RP1: variants seen among roughly 807,000 people sequenced by gnomAD.
RP1 encodes oxygen-regulated protein 1.
A neutral mutation model predicts 14.8 loss-of-function variants in RP1; 16 were observed. That is an observed-to-expected ratio of 1.08 (90% confidence interval 0.73 to 1.65). The LOEUF is 1.65. Among genes scored for constraint, RP1 ranks in the 40% most tolerant of loss-of-function variants. RP1 has a pLI of 0.00. For missense variants in RP1, 2,631 were observed against 2,535.0 expected, an observed-to-expected ratio of 1.04 and a Z score of -0.81; for synonymous variants, 876 against 883.6, an observed-to-expected ratio of 0.99 and a Z score of 0.15.
Position 54,625,540 on chromosome 8 carries a change from C to G in RP1, c.1658C>G (p.Thr553Arg). Residue 553 changes from threonine to arginine, a missense_variant, in exon 4 of 4, where the codon ACA becomes AGA. By Grantham distance (71) the Thr-to-Arg change is moderately conservative (BLOSUM62 -1). Transcript: ENST00000220676. ...SAISAGVIEI[T>R]SQKMLEMSHN... ...ATAAGTGCTGGTGTTATAGAAATTA[C>G]AAGTCAGAAGATGTTAGAGATGTCA... is the stretch of plus-strand genomic sequence containing the variant. 6.2e-7 allele frequency: 1 copy of G among 1,614,008 alleles called. No individual in the cohort carries two copies.
At chr8:54,652,949 G>A in intron 5 of RP1, 1 of 884,952 alleles carries the variant, frequency 1.1e-6, no homozygotes, top group Non-Finnish European at 1.8e-6. Context: ...TGCCTATAAT[G>A]AGTTGATAGA....
intron 9 of RP1, among the ~76,000 whole-genome samples, chr8:54,679,016 C>T (rs1807362424): frequency 6.6e-6 from 1 of 151,658 alleles, no homozygotes; most frequent in African/African-American, 2.4e-5. Context: ...TTTTCTTTGA[C>T]ACTTTCCTGC....
chr8:54,603,859 G>A (rs1805356976), intron 1 of RP1, among the ~76,000 whole-genome samples: 1 of 152,172 alleles, frequency 6.6e-6, no homozygotes, highest in South Asian at 2.1e-4. Context: ...TGGTGTATAA[G>A]AATGCTTGTG....
chr8:54,668,742 C>A (rs904551797), intron 7 of RP1, among the ~76,000 whole-genome samples: 24 of 152,276 alleles, frequency 1.6e-4, no homozygotes, highest in African/African-American at 5.5e-4. Flanking sequence ...ACCATCTGAT[C>A]TTTGACAAAC....
At chr8:54,701,409 A>G (rs1808013486) in intron 13 of RP1, 4 of 1,235,048 alleles carry the variant, frequency 3.2e-6, no homozygotes, top group South Asian at 1.7e-5. Context: ...AGACACCTGT[A>G]TATGTATATA....
At chr8:54,562,503 G>C (rs1305684728) in intron 1 of RP1, among the ~76,000 whole-genome samples, 1 of 152,042 alleles carries the variant, frequency 6.6e-6, no homozygotes, top group African/African-American at 2.4e-5. Flanking sequence ...ATGAAACCCT[G>C]TTGCTACTAA....
intron 1 of RP1, among the ~76,000 whole-genome samples, chr8:54,564,609 G>A (rs1482892848): frequency 1.3e-5 from 2 of 152,194 alleles, no homozygotes; most frequent in Non-Finnish European, 2.9e-5. Flanking sequence ...GACACACACT[G>A]AATAAGCAGA....
At chr8:54,660,712 G>A (rs1806867780) in intron 6 of RP1, among the ~76,000 whole-genome samples, 1 of 152,050 alleles carries the variant, frequency 6.6e-6, no homozygotes, top group Non-Finnish European at 1.5e-5. Context: ...TTATGATGGT[G>A]TCTCTGTGGG....
intron 4 of RP1, among the ~76,000 whole-genome samples, chr8:54,651,805 T>C (rs1278821120): frequency 2.0e-5 from 3 of 152,172 alleles, no homozygotes; most frequent in Admixed American, 2.0e-4. Context: ...TTCTAGTTCC[T>C]TAAGATGTAA....
intron 12 of RP1, among the ~76,000 whole-genome samples, chr8:54,683,036 C>T (rs1807473646): frequency 6.6e-6 from 1 of 152,168 alleles, no homozygotes; most frequent in Non-Finnish European, 1.5e-5. Context: ...GTTTTCCCAA[C>T]ACCATTTGTT....
chr8:54,613,882 A>T (rs758920191), upstream of RP1, among the ~76,000 whole-genome samples: 1 of 152,236 alleles, frequency 6.6e-6, no homozygotes, highest in Non-Finnish European at 1.5e-5. Flanking sequence ...CTGAAGTCAG[A>T]TCACAATTTT....
Position 54,679,944 on chromosome 8 carries a change from C to T in RP1, c.1717+11C>T, listed in dbSNP as rs574365159. ...AGACAGACAAATATGGTAAAACTAT[C>T]GTACAAAGCTTGTGGTGCTGGACAG... On this transcript the variant is annotated intron_variant, in intron 12 of 22. Transcript: ENST00000636932. The T allele has an allele frequency of 7.4e-5, 113 of 1,535,462 alleles. 1 individual carries two copies. The East Asian group carries it at 1.4e-3, about 20-fold the overall frequency.
Position 54,720,031 on chromosome 8 carries a change from G to A in RP1, c.2212-98G>A, listed in dbSNP as rs867110332. On this transcript the variant is annotated intron_variant, in intron 15 of 22. Transcript: ENST00000636932. ...GGCTCTAGATTTATCATAGTGATTC[G>A]AAACGAGACAAAATTATATTCTTTT... 2.0e-5 allele frequency: 20 copies of A among 1,017,858 alleles called. 1 individual carries two copies. In the Middle Eastern group the frequency reaches 9.7e-4, roughly 49 times the overall value. The allele number at this position is 1,017,858 out of a possible 1,614,324, so 63.1% of individuals were successfully genotyped here. A position where few individuals can be genotyped will look rare whatever the true frequency, so the allele number is the denominator to read the frequency against.
chr8:54,755,516 T>C (rs924780976), intron 20 of RP1: 11 of 1,118,670 alleles, frequency 9.8e-6, no homozygotes, highest in African/African-American at 9.5e-5. Flanking sequence ...TATATGTTTT[T>C]CTTTTTTTAC....
At chr8:54,779,382 A>G (rs986175395) in intron 23 of RP1, among the ~76,000 whole-genome samples, 1 of 152,232 alleles carries the variant, frequency 6.6e-6, no homozygotes, top group African/African-American at 2.4e-5. Flanking sequence ...GTTTTCCCTC[A>G]GTATGCCCAA....
chr8:54,559,575 AT>A (rs1351566676), intron 1 of RP1, among the ~76,000 whole-genome samples: 2 of 152,120 alleles, frequency 1.3e-5, no homozygotes, highest in African/African-American at 4.8e-5. Flanking sequence ...ATTTTTGCAG[AT>A]ATTTGTAAGG....
intron 6 of RP1, among the ~76,000 whole-genome samples, chr8:54,659,832 T>C (rs1056131846): frequency 6.6e-6 from 1 of 152,204 alleles, no homozygotes; most frequent in Non-Finnish European, 1.5e-5. Flanking sequence ...TTTAACAATA[T>C]TAAGTCTTCT....
intron 15 of RP1, among the ~76,000 whole-genome samples, chr8:54,712,104 G>A (rs1808305429): frequency 6.6e-6 from 1 of 152,098 alleles, no homozygotes; most frequent in South Asian, 2.1e-4. Context: ...GATCTTTAGG[G>A]GAAACAAGGA....
At chr8:54,662,192 A>G (rs984131882) in intron 6 of RP1, among the ~76,000 whole-genome samples, 1 of 152,090 alleles carries the variant, frequency 6.6e-6, no homozygotes, top group Non-Finnish European at 1.5e-5. Context: ...AATTTTACAT[A>G]TTATTATATG....
Sources: allele counts gnomAD v4.1 joint callset (sites outside exome capture counted in the v4.1 genomes callset), GRCh38; gene constraint gnomAD v4.1.1; transcripts MANE v1.5; gene names NCBI Gene and HGNC (gene_info 2026-07-23, HGNC 2026-07-21).